ADAMTS19: variants seen among roughly 807,000 people sequenced by gnomAD.
The protein encoded by ADAMTS19 is ADAM metallopeptidase with thrombospondin type 1 motif 19.
ADAMTS19 carries 93 observed loss-of-function variants against 153.3 expected under a neutral mutation model. That is an observed-to-expected ratio of 0.61 (90% CI 0.51 to 0.72). The LOEUF (loss-of-function observed/expected upper bound fraction) is 0.72, where lower values mean the gene tolerates loss of function less well. Among genes scored for constraint, ADAMTS19 ranks in the 30% least tolerant of loss-of-function variants. The pLI is 0.00. For synonymous variants in ADAMTS19, 600 were observed against 556.6 expected (o/e 1.08, Z -1.10); for missense variants, 1,482 against 1,552.1 (o/e 0.95, Z 0.76).
At chr5:129,640,948 C>T (rs1405188969) in intron 10 of ADAMTS19, among the ~76,000 whole-genome samples, 1 of 152,124 alleles carries the variant, frequency 6.6e-6, no homozygotes, top group Non-Finnish European at 1.5e-5. Flanking sequence ...CCTCAGCCTC[C>T]TGAGTAGCTG....
intron 12 of ADAMTS19, among the ~76,000 whole-genome samples, chr5:129,648,383 T>A (rs1753161702): frequency 6.6e-6 from 1 of 152,208 alleles, no homozygotes; most frequent in Non-Finnish European, 1.5e-5. Flanking sequence ...TCATTCCAGC[T>A]TGTGAGCTTT....
intron 21 of ADAMTS19, among the ~76,000 whole-genome samples, chr5:129,721,796 C>T (rs1757016325): frequency 6.6e-6 from 1 of 152,098 alleles, no homozygotes; most frequent in Admixed American, 6.5e-5. Flanking sequence ...TGTCGCCCTC[C>T]CTGTGTCCAT....
intron 2 of ADAMTS19, among the ~76,000 whole-genome samples, chr5:129,503,660 G>A (rs1172980858): frequency 1.3e-5 from 2 of 152,136 alleles, no homozygotes; most frequent in African/African-American, 4.8e-5. Flanking sequence ...CCAACATGGA[G>A]AAACTCCATC....
chr5:129,632,579 T>C (rs528633318), intron 10 of ADAMTS19, among the ~76,000 whole-genome samples: 68 of 152,164 alleles, frequency 4.5e-4, no homozygotes, highest in African/African-American at 1.6e-3. Flanking sequence ...TTTAGTTGGG[T>C]TGCTAATGAC....
At chr5:129,561,858 A>G (rs1028158017) in intron 7 of ADAMTS19, among the ~76,000 whole-genome samples, 4 of 151,504 alleles carry the variant, frequency 2.6e-5, no homozygotes, top group Non-Finnish European at 5.9e-5. Context: ...CTATCTATCT[A>G]TCTATCTAAT....
chr5:129,548,264 A>G (rs1359890488), intron 6 of ADAMTS19, among the ~76,000 whole-genome samples: 14 of 149,082 alleles, frequency 9.4e-5, no homozygotes, highest in Admixed American at 6.6e-4. Context: ...GAAAATTTTC[A>G]CAACCTACTC....
intron 14 of ADAMTS19, among the ~76,000 whole-genome samples, chr5:129,655,643 T>C (rs1021198336): frequency 6.6e-6 from 1 of 152,096 alleles, no homozygotes; most frequent in Admixed American, 6.6e-5. Flanking sequence ...AACACACACA[T>C]ACACACATAC....
chr5:129,697,473 A>ATAGGAAAATGAT (rs1755613843), intron 19 of ADAMTS19, among the ~76,000 whole-genome samples: 1 of 152,224 alleles, frequency 6.6e-6, no homozygotes, highest in African/African-American at 2.4e-5. Context: ...TTTTAAAAGA[A>ATAGGAAAATGAT]TAGGAAAATG....
intron 7 of ADAMTS19, among the ~76,000 whole-genome samples, chr5:129,582,778 G>T (rs1749584991): frequency 6.6e-6 from 1 of 150,436 alleles, no homozygotes; most frequent in Non-Finnish European, 1.5e-5. Context: ...GACCATGTTA[G>T]CCAGGATGGT....
At chr5:129,734,563 T>C (rs568627992) in intron 21 of ADAMTS19, among the ~76,000 whole-genome samples, 63 of 152,158 alleles carry the variant, frequency 4.1e-4, no homozygotes, top group African/African-American at 1.5e-3. Context: ...TTAAATTAAA[T>C]AATAATAAAT....
intron 7 of ADAMTS19, among the ~76,000 whole-genome samples, chr5:129,569,651 A>C (rs1365836012): frequency 6.6e-6 from 1 of 152,146 alleles, no homozygotes; most frequent in Non-Finnish European, 1.5e-5. Context: ...TTAACTTCAA[A>C]TTAATTACAA....
chr5:129,660,039 A>G (rs1753753919), intron 15 of ADAMTS19, among the ~76,000 whole-genome samples: 2 of 152,346 alleles, frequency 1.3e-5, no homozygotes, highest in South Asian at 4.1e-4. Flanking sequence ...TGAGTAATCG[A>G]GAAAACAGTT....
intron 10 of ADAMTS19, among the ~76,000 whole-genome samples, chr5:129,636,073 T>G (rs1752520500): frequency 6.6e-6 from 1 of 152,086 alleles, no homozygotes; most frequent in Admixed American, 6.6e-5. Flanking sequence ...ATTTTTGTAT[T>G]TTTAGTAGAG....
chr5:129,569,840 G>A (rs556448308), intron 7 of ADAMTS19, among the ~76,000 whole-genome samples: 1 of 151,906 alleles, frequency 6.6e-6, no homozygotes, highest in Admixed American at 6.6e-5. Flanking sequence ...AATGTATAGG[G>A]TTAAATGTTC....
intron 6 of ADAMTS19, among the ~76,000 whole-genome samples, chr5:129,542,083 A>G (rs1413532649): frequency 6.6e-6 from 1 of 152,120 alleles, no homozygotes; most frequent in African/African-American, 2.4e-5. Flanking sequence ...ACAGAGACCA[A>G]CTTTGCCTAA....
Position 129,646,602 on chromosome 5 carries a change from T to A in ADAMTS19, c.1873-1163T>A, listed in dbSNP as rs374218081. The stretch of plus-strand genomic sequence containing the variant: ...ATTATTACAGTTAGCCCTTATTAAA[T>A]CCTTAGTAAGGGCTATACATTGTGT... On this transcript the variant is annotated intron_variant, in intron 11 of 22. Coordinates refer to ENST00000274487, the MANE Select transcript of ADAMTS19 (RefSeq NM_133638.6). Among the ~76,000 whole-genome samples the A allele has an allele frequency of 2.8e-4, 42 of 152,322 alleles. 1 individual carries two copies. In the East Asian group the frequency reaches 7.1e-3, roughly 26 times the overall value.
At chr5:129,726,042 C>T (rs554317954) in intron 21 of ADAMTS19, among the ~76,000 whole-genome samples, 47 of 152,182 alleles carry the variant, frequency 3.1e-4, no homozygotes, top group South Asian at 1.5e-3. Flanking sequence ...TTCCTTGTGT[C>T]TTGTTGTTTG....
intron 15 of ADAMTS19, among the ~76,000 whole-genome samples, chr5:129,664,216 C>A (rs553030886): frequency 2.0e-5 from 3 of 152,270 alleles, no homozygotes; most frequent in Admixed American, 2.0e-4. Context: ...TTGCATATTA[C>A]CTTTTTAACA....
chr5:129,695,819 G>A (rs1229490100), intron 19 of ADAMTS19, among the ~76,000 whole-genome samples: 1 of 152,168 alleles, frequency 6.6e-6, no homozygotes, highest in Non-Finnish European at 1.5e-5. Context: ...AGTTAGGAAA[G>A]AGTTGTAAGT....
Sources: gnomAD v4.1 joint callset for allele counts (sites outside exome capture counted in the v4.1 genomes callset) on GRCh38, gnomAD v4.1.1 for gene constraint, MANE v1.5 for transcripts, NCBI Gene and HGNC (gene_info 2026-07-23, HGNC 2026-07-21) for gene names.